Variants in FGF14 observed in about 807,000 individuals in gnomAD.
The protein encoded by FGF14 is fibroblast growth factor homologous factor 4.
Under a neutral mutation model 25.5 loss-of-function variants are expected in FGF14, and 5 were observed. The observed-to-expected ratio is 0.20, with a 90% CI of 0.10 to 0.41. The LOEUF is 0.41. FGF14 is among the 10% of genes least tolerant of loss of function. The probability of loss-of-function intolerance (pLI) is 1.00; values close to 1 mark genes in which losing one functional copy is unlikely to be tolerated. For missense variants in FGF14, 222 were observed against 320.1 expected, an observed-to-expected ratio of 0.69 and a Z score of 2.34; for synonymous variants, 138 against 118.3, an observed-to-expected ratio of 1.17 and a Z score of -1.08.
At chr13:102,298,478 T>A (rs1393449877) in intron 1 of FGF14, among the ~76,000 whole-genome samples, 1 of 152,186 alleles carries the variant, frequency 6.6e-6, no homozygotes, top group East Asian at 1.9e-4. Context: ...TTGCTCCTGA[T>A]CCCAATTGAC....
chr13:101,780,069 G>A (rs1566891691), intron 3 of FGF14, among the ~76,000 whole-genome samples: 1 of 152,056 alleles, frequency 6.6e-6, no homozygotes, highest in Admixed American at 6.6e-5. Context: ...GACTGGCACT[G>A]GGCAATTCAC....
In FGF14 at chr13:101,716,623, A is replaced by G. The variant is rs1240151821; in HGVS notation, c.*6208T>C. The stretch of plus-strand genomic sequence containing the variant: ...CATGGTAGTGTGGCCTTTTAAAAAG[A>G]CAATATTGAGTTACATATAAAATGG... On this transcript the variant is annotated 3_prime_UTR_variant, in exon 5 of 5. Coordinates refer to ENST00000376143, the MANE Select transcript of FGF14 (RefSeq NM_004115.4). 2 of 152,092 alleles carry G rather than the reference A, an allele frequency of 1.3e-5. No homozygotes were observed. The highest frequency in any genetic ancestry group is 2.9e-5 in the Non-Finnish European group (2 of 68,012). 9.4% of individuals were successfully genotyped at this position (152,092 alleles called of 1,614,324 possible). A position where few individuals can be genotyped will look rare whatever the true frequency, so the allele number is the denominator to read the frequency against.
chr13:101,786,074 C>T (rs1423148152), intron 3 of FGF14, among the ~76,000 whole-genome samples: 1 of 152,144 alleles, frequency 6.6e-6, no homozygotes, highest in Admixed American at 6.6e-5. Context: ...TCTCTATAAC[C>T]AACAAACAGC....
At chr13:102,229,674 T>C (rs2140987356) in intron 1 of FGF14, among the ~76,000 whole-genome samples, 1 of 152,324 alleles carries the variant, frequency 6.6e-6, no homozygotes, top group Non-Finnish European at 1.5e-5. Flanking sequence ...TCCTTCTTTA[T>C]TCTACCTCAA....
chr13:102,093,296 AG>A (rs1254173556), intron 1 of FGF14, among the ~76,000 whole-genome samples: 1 of 152,232 alleles, frequency 6.6e-6, no homozygotes, highest in Non-Finnish European at 1.5e-5. Context: ...TATTGTAAAA[AG>A]GTAAATTGTA....
At chr13:102,188,591 G>T (rs538278293) in intron 1 of FGF14, among the ~76,000 whole-genome samples, 2 of 152,126 alleles carry the variant, frequency 1.3e-5, no homozygotes, top group Non-Finnish European at 2.9e-5. Context: ...TAAAGGCTAT[G>T]TATTTTTATT....
intron 1 of FGF14, among the ~76,000 whole-genome samples, chr13:102,020,886 G>A (rs1330335724): frequency 1.3e-5 from 2 of 151,314 alleles, no homozygotes; most frequent in Admixed American, 6.6e-5. Context: ...CACATAAGAA[G>A]GGAATGAGGA....
At chr13:102,034,697 G>C (rs1403733371) in intron 1 of FGF14, among the ~76,000 whole-genome samples, 1 of 152,108 alleles carries the variant, frequency 6.6e-6, no homozygotes, top group Non-Finnish European at 1.5e-5. Context: ...TCTTACATCT[G>C]AACCACTCAG....
chr13:102,187,516 C>A (rs2048924874), intron 1 of FGF14, among the ~76,000 whole-genome samples: 1 of 152,206 alleles, frequency 6.6e-6, no homozygotes, highest in African/African-American at 2.4e-5. Flanking sequence ...GCATCCGCAA[C>A]AGCCTCTAAG....
In FGF14 at chr13:101,714,205, C is replaced by CA. The variant is rs977158949; in HGVS notation, c.*8625dup. 1 of 489,348 alleles carries CA rather than the reference C, an allele frequency of 2.0e-6. No homozygotes were observed. The highest frequency in any genetic ancestry group is 3.6e-6 in the Non-Finnish European group (1 of 275,170). 30.3% of individuals were successfully genotyped at this position (489,348 alleles called of 1,614,324 possible). A position where few individuals can be genotyped will look rare whatever the true frequency, so the allele number is the denominator to read the frequency against. On this transcript the variant is annotated 3_prime_UTR_variant, in exon 5 of 5. Transcript: ENST00000376143. ...ATTTCAACCAGACTGGGCCATGGGA[C>CA]ATTTGTTCAAGGCTAATTGCAACTG...
chr13:102,251,723 T>TA, intron 1 of FGF14, among the ~76,000 whole-genome samples: 1 of 152,300 alleles, frequency 6.6e-6, no homozygotes, highest in South Asian at 2.1e-4. Flanking sequence ...GTATCCCTCG[T>TA]GCTTCAGTGG....
At chr13:102,252,406 G>A (rs944716014) in intron 1 of FGF14, among the ~76,000 whole-genome samples, 1 of 152,134 alleles carries the variant, frequency 6.6e-6, no homozygotes, top group African/African-American at 2.4e-5. Context: ...TTAACAAGGC[G>A]AGGATTTCAT....
At position 101,893,999 on chromosome 13, in the gene FGF14, A is replaced by G. The variant is rs187118847; in HGVS notation, c.194-18703T>C. Among the ~76,000 whole-genome samples the G allele has an allele frequency of 2.7e-5, 4 of 149,398 alleles. No individual in the cohort carries two copies. In the East Asian group the frequency reaches 8.0e-4, roughly 30 times the overall value. ...AGTGAAAGTGCTTTCACTAAACACA[A>G]CAGCTCAACCCAACCTTTCCTGGCT... On this transcript the variant is annotated intron_variant, in intron 1 of 4. Transcript: ENST00000376143.
Position 102,007,161 on chromosome 13 carries a change from C to A in FGF14, c.209-131865G>T, listed in dbSNP as rs921038036. Reference sequence around the variant, plus strand: ...AAGTTTTAAACTGTAATCCCCAGTGCAGCTATTTTAATTAGCATGGTCCTC... The same window carrying A: ...AAGTTTTAAACTGTAATCCCCAGTGAAGCTATTTTAATTAGCATGGTCCTC... On this transcript the variant is annotated intron_variant, in intron 1 of 4. Coordinates refer to the FGF14 transcript ENST00000376131. Among the ~76,000 whole-genome samples the A allele has an allele frequency of 1.3e-5, 2 of 152,268 alleles. 1 individual carries two copies. The highest frequency in any genetic ancestry group is 6.8e-3 in the Middle Eastern group (2 of 294).
intron 1 of FGF14, among the ~76,000 whole-genome samples, chr13:102,184,201 G>A (rs930007257): frequency 6.6e-5 from 10 of 152,086 alleles, no homozygotes; most frequent in South Asian, 2.1e-4. Flanking sequence ...ACTGACTTCC[G>A]TTTCTAGATT....
At chr13:102,044,537 T>TA (rs5806265) in intron 1 of FGF14, among the ~76,000 whole-genome samples, 21,260 of 149,768 alleles carry the variant, frequency 0.14, 1,685 homozygotes, top group Non-Finnish European at 0.19. Context: ...TCCTCTTTCG[T>TA]AAAAAAAAAA....
chr13:102,217,857 C>A (rs1185683821), intron 1 of FGF14, among the ~76,000 whole-genome samples: 3 of 152,142 alleles, frequency 2.0e-5, no homozygotes, highest in East Asian at 3.9e-4. Context: ...ACTGTGCCAA[C>A]CAGAGTAAGC....
intron 1 of FGF14, among the ~76,000 whole-genome samples, chr13:102,281,074 T>C (rs967070283): frequency 2.0e-5 from 3 of 152,186 alleles, no homozygotes; most frequent in Non-Finnish European, 4.4e-5. Context: ...TTCCTTTTTT[T>C]CCCCAAGTGC....
At chr13:102,315,835 C>T (rs948066121) in intron 1 of FGF14, among the ~76,000 whole-genome samples, 1 of 152,158 alleles carries the variant, frequency 6.6e-6, no homozygotes. Context: ...CTTTAATTCC[C>T]TCTTCTTACC....
Sources: allele counts gnomAD v4.1 joint callset (sites outside exome capture counted in the v4.1 genomes callset), GRCh38; gene constraint gnomAD v4.1.1; transcripts MANE v1.5; gene names NCBI Gene and HGNC (gene_info 2026-07-23, HGNC 2026-07-21).